The following GLMN variants were observed in gnomAD, a reference collection of about 807,000 sequenced individuals.
GLMN encodes glomulin.
In GLMN, 75 loss-of-function variants were observed where a neutral mutation model predicts 87.8. The ratio of observed to expected loss-of-function variants is 0.85; its 90% CI spans 0.71 to 1.04. GLMN has a LOEUF of 1.04. GLMN is among the 50% of genes least tolerant of loss of function. GLMN has a pLI of 0.00. For missense variants in GLMN, 588 were observed against 658.8 expected (o/e 0.89, Z 1.18); for synonymous variants, 206 against 221.6 (o/e 0.93, Z 0.63).
chr1:92,315,390 A>G, the GLMN span, among the ~76,000 whole-genome samples: 1 of 152,236 alleles, frequency 6.6e-6, no homozygotes, highest in Non-Finnish European at 1.5e-5. Flanking sequence ...ACAGATAATA[A>G]TGAAGTTTGA....
At chr1:92,321,123 C>T in the GLMN span, among the ~76,000 whole-genome samples, 1 of 137,180 alleles carries the variant, frequency 7.3e-6, no homozygotes, top group Non-Finnish European at 1.5e-5. Context: ...CAAAACACAT[C>T]CCTTAACTCT....
chr1:92,273,146 A>G (rs1157652331), intron 7 of GLMN, among the ~76,000 whole-genome samples: 1 of 152,198 alleles, frequency 6.6e-6, no homozygotes, highest in African/African-American at 2.4e-5. Context: ...AAAGCCAAGT[A>G]TAAGTCTTTT....
At chr1:92,266,590 C>T in intron 12 of GLMN, 98 bp from the exon 13 acceptor site, 2 of 1,031,974 alleles carry the variant, frequency 1.9e-6, no homozygotes, top group Non-Finnish European at 3.0e-6. Flanking sequence ...CACACTTGTA[C>T]CTCCTAAATA....
the GLMN span, among the ~76,000 whole-genome samples, chr1:92,305,352 G>C: frequency 2.4e-4 from 35 of 146,256 alleles, no homozygotes; most frequent in Non-Finnish European, 4.6e-4. Context: ...AGAATGGCGT[G>C]AACCCGGGAG....
Position 92,295,527 on chromosome 1 carries a change from G to GC in GLMN, c.165+1876dup, listed in dbSNP as rs561978557. ...GAAAACTTTTCCCTCTACTTAGGTT[G>GC]CCTTTTTCTGTTTGATATCATATGT... On this transcript the variant is annotated intron_variant, in intron 3 of 18. Transcript: ENST00000370360. Among the ~76,000 whole-genome samples the GC allele has an allele frequency of 2.7e-3, 412 of 152,148 alleles. 1 individual carries two copies. Among genetic ancestry groups the GC allele is most frequent in the African/African-American group, 8.9e-3 (370 of 41,510 alleles).
chr1:92,291,269 TCAATAA>T, intron 4 of GLMN, 143 bp downstream of exon 4: 1 of 703,936 alleles, frequency 1.4e-6, no homozygotes. Flanking sequence ...GCCTATCCAA[TCAATAA>T]GACTGGGTCT....
chr1:92,291,400 C>T lies in GLMN; in HGVS notation c.285+18G>A. The T allele has an allele frequency of 6.5e-7, 1 of 1,535,624 alleles. No individual in the cohort carries two copies. The highest frequency in any genetic ancestry group is 9.0e-7 in the Non-Finnish European group (1 of 1,108,986). On this transcript the variant is annotated intron_variant, in intron 4 of 18. Transcript: ENST00000370360. ...TGCTGTGTGTTATGATAAAGAGAACCTTGTTTTGTTAACTTACCTTTACCA... is the reference window on the plus strand; with the variant it reads ...TGCTGTGTGTTATGATAAAGAGAACTTTGTTTTGTTAACTTACCTTTACCA...
At chr1:92,253,175 T>C (rs1393214428) in intron 16 of GLMN, among the ~76,000 whole-genome samples, 1 of 129,416 alleles carries the variant, frequency 7.7e-6, no homozygotes, top group Non-Finnish European at 1.6e-5. Flanking sequence ...CACCCCTGAA[T>C]CTTAAATAGA....
chr1:92,260,508 G>A (rs555674896), intron 16 of GLMN, among the ~76,000 whole-genome samples: 3 of 151,910 alleles, frequency 2.0e-5, no homozygotes, highest in Non-Finnish European at 4.4e-5. Flanking sequence ...CCAGCTACTC[G>A]GGAGACTGAG....
At position 92,294,681 on chromosome 1, in the gene GLMN, TTTG is replaced by T. The variant is rs956291366; in HGVS notation, c.165+2720_165+2722del. Among the ~76,000 whole-genome samples, 44 of 152,136 alleles carry T rather than the reference TTTG, an allele frequency of 2.9e-4. No individual in the cohort carries two copies. In the East Asian group the frequency reaches 6.4e-3, roughly 22 times the overall value. Reference sequence around the variant, plus strand: ...AAGAAAATTAAATTGTAGTCAGTTTTTTGTTGTTGTTGTTGTTGAGATGGGGTC... The same window carrying T: ...AAGAAAATTAAATTGTAGTCAGTTTTTTGTTGTTGTTGTTGAGATGGGGTC... On this transcript the variant is annotated intron_variant, in intron 3 of 18. Coordinates refer to ENST00000370360, the MANE Select transcript of GLMN (RefSeq NM_053274.3).
the GLMN span, among the ~76,000 whole-genome samples, chr1:92,359,329 T>A: frequency 6.6e-6 from 1 of 152,226 alleles, no homozygotes; most frequent in South Asian, 2.1e-4. Flanking sequence ...ATTTATTTAT[T>A]TATTTATGAG....
the GLMN span, among the ~76,000 whole-genome samples, chr1:92,347,959 G>T: frequency 6.6e-6 from 1 of 151,860 alleles, no homozygotes; most frequent in Non-Finnish European, 1.5e-5. Context: ...GCCCAGGCTG[G>T]AGTGCAATGG....
chr1:92,278,180 T>C (rs998591229), intron 7 of GLMN, among the ~76,000 whole-genome samples: 1 of 152,166 alleles, frequency 6.6e-6, no homozygotes, highest in African/African-American at 2.4e-5. Flanking sequence ...GAAACTGAGT[T>C]TGGTTTTTCT....
chr1:92,304,449 A>T, the GLMN span: 1 of 583,062 alleles, frequency 1.7e-6, no homozygotes, highest in Non-Finnish European at 2.9e-6. Flanking sequence ...ATTAAATAGG[A>T]TTCTAAAAGA....
At chr1:92,297,631 C>T (rs144885706) in intron 2 of GLMN, 102 bp from the exon 3 acceptor site, 21 of 1,034,590 alleles carry the variant, frequency 2.0e-5, no homozygotes, top group African/African-American at 1.6e-4. Flanking sequence ...AAAAGGAAAT[C>T]TGTTTAAATT....
At chr1:92,277,220 G>A (rs995202196) in intron 7 of GLMN, among the ~76,000 whole-genome samples, 8 of 151,928 alleles carry the variant, frequency 5.3e-5, no homozygotes, top group African/African-American at 1.9e-4. Context: ...TCTATACTCA[G>A]GCTCCCATCA....
the GLMN span, among the ~76,000 whole-genome samples, chr1:92,360,105 C>A: frequency 6.6e-6 from 1 of 152,202 alleles, no homozygotes; most frequent in Non-Finnish European, 1.5e-5. Context: ...TATCTGACTT[C>A]AAAATATGTA....
chr1:92,262,034 G>A (rs571236076), intron 16 of GLMN, among the ~76,000 whole-genome samples: 3 of 152,290 alleles, frequency 2.0e-5, no homozygotes, highest in African/African-American at 7.2e-5. Context: ...ATTTTCAGCT[G>A]AAGAGGGATG....
chr1:92,288,862 G>T, intron 6 of GLMN, 52 bp downstream of exon 6: 2 of 887,506 alleles, frequency 2.3e-6, no homozygotes, highest in South Asian at 2.7e-5. Flanking sequence ...TAAAATAACT[G>T]AACTATCAAT....
Sources: allele counts gnomAD v4.1 joint callset (sites outside exome capture counted in the v4.1 genomes callset), GRCh38; gene constraint gnomAD v4.1.1; transcripts MANE v1.5; gene names NCBI Gene and HGNC (gene_info 2026-07-23, HGNC 2026-07-21).